The following GRIA1 variants were observed in gnomAD, a reference collection of about 807,000 sequenced individuals.
GRIA1 encodes glutamate ionotropic receptor AMPA type subunit 1.
Under a neutral mutation model 99.2 loss-of-function variants are expected in GRIA1, and 31 were observed. That is an observed-to-expected ratio of 0.31 (90% CI 0.23 to 0.42). GRIA1 has a LOEUF of 0.42. Among genes scored for constraint, GRIA1 ranks in the 10% least tolerant of loss-of-function variants. The probability of loss-of-function intolerance (pLI) is 1.00; values close to 1 mark genes in which losing one functional copy is unlikely to be tolerated. For missense variants in GRIA1, 782 were observed against 1,157.5 expected (o/e 0.68, Z 4.71); for synonymous variants, 438 against 432.4 (o/e 1.01, Z -0.16).
rs1194210959 is a variant in GRIA1, at chr5:153,598,421, A to T, written c.221-48507A>T. Among the ~76,000 whole-genome samples, 4 of 152,300 alleles carry T rather than the reference A, an allele frequency of 2.6e-5. No individual in the cohort carries two copies. In the East Asian group the frequency reaches 7.7e-4, roughly 29 times the overall value. On this transcript the variant is annotated intron_variant, in intron 2 of 15. Coordinates refer to ENST00000285900, the MANE Select transcript of GRIA1 (RefSeq NM_000827.4). ...GAGACTAGCACCAAATTAAAAGTATATTTTAGGAACACCAGACAATCCATT... is the reference window on the plus strand; with the variant it reads ...GAGACTAGCACCAAATTAAAAGTATTTTTTAGGAACACCAGACAATCCATT...
intron 5 of GRIA1, among the ~76,000 whole-genome samples, chr5:153,660,266 A>G (rs1225295407): frequency 6.6e-6 from 1 of 152,212 alleles, no homozygotes; most frequent in Non-Finnish European, 1.5e-5. Context: ...AATAATAACA[A>G]TGGCAATAAC....
At chr5:153,566,304 C>CCTTTTTTTTTT (rs537995524) in intron 2 of GRIA1, among the ~76,000 whole-genome samples, 1 of 36,554 alleles carries the variant, frequency 2.7e-5, no homozygotes, top group East Asian at 1.2e-3. Context: ...AATTCCCTGC[C>CCTTTTTTTTTT]TTTTTTTTTT....
intron 2 of GRIA1, among the ~76,000 whole-genome samples, chr5:153,625,491 G>C (rs999606956): frequency 2.0e-5 from 3 of 152,204 alleles, no homozygotes; most frequent in Non-Finnish European, 4.4e-5. Flanking sequence ...ACGGGGCACT[G>C]CAGGGGATAT....
intron 2 of GRIA1, among the ~76,000 whole-genome samples, chr5:153,572,007 C>A (rs1016329991): frequency 2.6e-5 from 4 of 152,178 alleles, no homozygotes; most frequent in Admixed American, 6.5e-5. Flanking sequence ...CTTCCCATAA[C>A]TGGTTACCCT....
At chr5:153,776,293 G>C (rs1031535806) in intron 13 of GRIA1, among the ~76,000 whole-genome samples, 1 of 152,194 alleles carries the variant, frequency 6.6e-6, no homozygotes, top group African/African-American at 2.4e-5. Context: ...TTAAAGCTGG[G>C]AGGTTTGGAA....
intron 8 of GRIA1, among the ~76,000 whole-genome samples, chr5:153,690,503 G>A (rs553237892): frequency 6.6e-6 from 1 of 152,246 alleles, no homozygotes; most frequent in Admixed American, 6.5e-5. Context: ...GACAATGCCT[G>A]TTACACCACT....
intron 15 of GRIA1, among the ~76,000 whole-genome samples, chr5:153,810,304 G>A (rs529016610): frequency 6.6e-6 from 1 of 152,302 alleles, no homozygotes; most frequent in Non-Finnish European, 1.5e-5. Flanking sequence ...TCTTTGGAAT[G>A]CATTCTCATT....
intron 2 of GRIA1, among the ~76,000 whole-genome samples, chr5:153,538,074 G>C (rs1758745921): frequency 6.6e-6 from 1 of 152,152 alleles, no homozygotes; most frequent in South Asian, 2.1e-4. Flanking sequence ...ATCATCCTAT[G>C]TGATGGTGGA....
chr5:153,696,863 TG>T (rs1758146163), intron 8 of GRIA1, among the ~76,000 whole-genome samples: 1 of 25,668 alleles, frequency 3.9e-5, no homozygotes, highest in Non-Finnish European at 6.8e-5. Context: ...AGGGTGTGTA[TG>T]TGTGTGTGTG....
At chr5:153,619,930 A>C (rs1038799344) in intron 2 of GRIA1, among the ~76,000 whole-genome samples, 2 of 152,130 alleles carry the variant, frequency 1.3e-5, no homozygotes, top group Non-Finnish European at 2.9e-5. Flanking sequence ...CAGAGCACTT[A>C]CCGCTTCCCT....
At chr5:153,798,766 A>G (rs1399196892) in intron 14 of GRIA1, among the ~76,000 whole-genome samples, 2 of 152,152 alleles carry the variant, frequency 1.3e-5, no homozygotes, top group Non-Finnish European at 2.9e-5. Context: ...AATCAGCCCT[A>G]CATTCTTGGA....
At chr5:153,695,846 G>A (rs1338627232) in intron 8 of GRIA1, among the ~76,000 whole-genome samples, 1 of 152,198 alleles carries the variant, frequency 6.6e-6, no homozygotes, top group Admixed American at 6.5e-5. Context: ...TCGATAGGGT[G>A]CACCATGTCC....
At chr5:153,639,326 C>T (rs963662365) in intron 2 of GRIA1, among the ~76,000 whole-genome samples, 1 of 152,204 alleles carries the variant, frequency 6.6e-6, no homozygotes, top group African/African-American at 2.4e-5. Flanking sequence ...ACTCAGAGAG[C>T]TATGTGATCT....
At chr5:153,609,622 G>A (rs1450266125) in intron 2 of GRIA1, among the ~76,000 whole-genome samples, 1 of 144,040 alleles carries the variant, frequency 6.9e-6, no homozygotes, top group African/African-American at 2.6e-5. Flanking sequence ...GGAGTGCAGT[G>A]GAGCAATCTT....
rs932774489 is a variant in GRIA1, at chr5:153,492,438, A to G, written c.82+1468A>G. The G allele has an allele frequency of 3.6e-6, 3 of 844,242 alleles. No homozygotes were observed. In the African/African-American group the frequency reaches 5.2e-5, roughly 15 times the overall value. 52.3% of individuals were successfully genotyped at this position (844,242 alleles called of 1,614,324 possible). On this transcript the variant is annotated intron_variant, in intron 1 of 15. Transcript: ENST00000285900. The stretch of plus-strand genomic sequence containing the variant: ...ATCCTTTCTCTTTCATTCATTGCAG[A>G]GGAGGAGAAAGGGGACAGGGAAGTG...
chr5:153,677,751 C>T (rs555323795), intron 7 of GRIA1, among the ~76,000 whole-genome samples: 1 of 152,306 alleles, frequency 6.6e-6, no homozygotes, highest in Admixed American at 6.5e-5. Context: ...CAGAGAGAAG[C>T]ATAAATATTC....
intron 2 of GRIA1, among the ~76,000 whole-genome samples, chr5:153,590,996 G>A (rs1297832229): frequency 2.0e-5 from 3 of 152,168 alleles, no homozygotes; most frequent in Admixed American, 1.3e-4. Flanking sequence ...TTGCTATATT[G>A]TGGCTGTTGT....
intron 11 of GRIA1, among the ~76,000 whole-genome samples, chr5:153,726,579 A>T (rs1434039111): frequency 6.6e-6 from 1 of 152,202 alleles, no homozygotes; most frequent in African/African-American, 2.4e-5. Flanking sequence ...ATCCCACAGA[A>T]ATACAAACTA....
At chr5:153,729,413 T>TA (rs1396700692) in intron 11 of GRIA1, among the ~76,000 whole-genome samples, 1 of 151,284 alleles carries the variant, frequency 6.6e-6, no homozygotes, top group Non-Finnish European at 1.5e-5. Flanking sequence ...ATTAATTAAT[T>TA]GAAAAAAGAG....
Sources: gnomAD v4.1 joint callset for allele counts (sites outside exome capture counted in the v4.1 genomes callset) on GRCh38, gnomAD v4.1.1 for gene constraint, MANE v1.5 for transcripts, NCBI Gene and HGNC (gene_info 2026-07-23, HGNC 2026-07-21) for gene names.